Variants in UTP23 observed in about 807,000 individuals in gnomAD.
UTP23 encodes UTP23 small subunit processome component.
Under a neutral mutation model 19.8 loss-of-function variants are expected in UTP23, and 10 were observed. That is an observed-to-expected ratio of 0.50 (90% CI 0.31 to 0.86). The LOEUF is 0.86. UTP23 is among the 40% of genes least tolerant of loss of function. The probability of loss-of-function intolerance (pLI) is 0.05; values close to 1 mark genes in which losing one functional copy is unlikely to be tolerated. For synonymous variants in UTP23, 108 were observed against 105.4 expected, an observed-to-expected ratio of 1.02 and a Z score of -0.15; for missense variants, 282 against 293.1, an observed-to-expected ratio of 0.96 and a Z score of 0.28.
chr8:116,767,651 G>A (rs1238320069), intron 1 of UTP23, among the ~76,000 whole-genome samples: 1 of 152,176 alleles, frequency 6.6e-6, no homozygotes, highest in African/African-American at 2.4e-5. Flanking sequence ...TTGTTGTGGA[G>A]ACCTCTTCAC....
At chr8:116,771,358 ATCT>A in intron 2 of UTP23, 95 bp from the exon 3 acceptor site, 1 of 1,055,070 alleles carries the variant, frequency 9.5e-7, no homozygotes, top group Non-Finnish European at 1.3e-6. Context: ...GAAAAATAAA[ATCT>A]GTGATCTCTT....
intron 1 of UTP23, among the ~76,000 whole-genome samples, chr8:116,767,464 C>G (rs560440435): frequency 1.1e-4 from 16 of 152,308 alleles, no homozygotes; most frequent in African/African-American, 1.9e-4. Context: ...TGTTTTCACT[C>G]TAGGTCTGAT....
chr8:116,766,953 C>T (rs1010374563), intron 1 of UTP23, 162 bp downstream of exon 1: 11 of 676,048 alleles, frequency 1.6e-5, no homozygotes, highest in Admixed American at 1.3e-4. Flanking sequence ...CAGGCGAATA[C>T]CTATAATAGA....
At position 116,770,288 on chromosome 8, in the gene UTP23, G is replaced by A. The variant is rs1325618005; in HGVS notation, c.285G>A (p.Lys95=). The change falls in exon 2 of 3, where the codon AAG becomes AAA. Residue 95 remains lysine (K), a synonymous_variant. Transcript: ENST00000309822. ...AAGTTCGAAATTGTCCTCATTTCAA[G>A]AATGCAGTGAGTGGATCAGAATGTC... ...KCQVRNCPHF[K]NAVSGSECLL... 1 of 1,614,006 alleles carries A rather than the reference G, an allele frequency of 6.2e-7. No individual in the cohort carries two copies. The highest frequency in any genetic ancestry group is 1.3e-5 in the African/African-American group (1 of 74,950).
chr8:116,773,032 A>G lies in UTP23; in HGVS notation c.*1190A>G. 1 of 981,128 alleles carries G rather than the reference A, an allele frequency of 1.0e-6. No homozygotes were observed. Among genetic ancestry groups the G allele is most frequent in the Non-Finnish European group, 1.2e-6 (1 of 828,746 alleles). 60.8% of individuals were successfully genotyped at this position (981,128 alleles called of 1,614,324 possible). A position where few individuals can be genotyped will look rare whatever the true frequency, so the allele number is the denominator to read the frequency against. Reference sequence around the variant, plus strand: ...AATGGTTAAATGTGAGACAGTTCACATTTATTCCCATAGAAATGTCATTCT... The same window carrying G: ...AATGGTTAAATGTGAGACAGTTCACGTTTATTCCCATAGAAATGTCATTCT... On this transcript the variant is annotated 3_prime_UTR_variant, in exon 3 of 3. Transcript: ENST00000309822.
chr8:116,766,929 G>C, intron 1 of UTP23, 138 bp downstream of exon 1: 2 of 845,080 alleles, frequency 2.4e-6, no homozygotes, highest in Non-Finnish European at 3.6e-6. Flanking sequence ...GTTAAGTGGA[G>C]AGGTGAAGGT....
chr8:116,767,755 A>G (rs777410877), intron 1 of UTP23, among the ~76,000 whole-genome samples: 2 of 152,262 alleles, frequency 1.3e-5, no homozygotes, highest in African/African-American at 2.4e-5. Flanking sequence ...AGGCTAGGCC[A>G]TGAAGAACTA....
intron 1 of UTP23, among the ~76,000 whole-genome samples, chr8:116,768,486 A>AT (rs1279835158): frequency 2.0e-5 from 3 of 152,210 alleles, no homozygotes; most frequent in Non-Finnish European, 4.4e-5. Flanking sequence ...CAGCTTTTGC[A>AT]GTTATTAACA....
Position 116,774,244 on chromosome 8 carries a change from G to C in UTP23, c.*2402G>C. ...TGCAGTTGTGTATGGGCACGATACTGTATTCTTTACATTTTTATGGCCCTA... is the reference window on the plus strand; with the variant it reads ...TGCAGTTGTGTATGGGCACGATACTCTATTCTTTACATTTTTATGGCCCTA... On this transcript the variant is annotated 3_prime_UTR_variant, in exon 3 of 3. Coordinates refer to ENST00000309822, the MANE Select transcript of UTP23 (RefSeq NM_032334.3). The C allele has an allele frequency of 1.0e-6, 1 of 985,336 alleles. No homozygotes were observed. The highest frequency in any genetic ancestry group is 1.2e-6 in the Non-Finnish European group (1 of 829,914). The allele number at this position is 985,336 out of a possible 1,614,324, so 61.0% of individuals were successfully genotyped here. A position where few individuals can be genotyped will look rare whatever the true frequency, so the allele number is the denominator to read the frequency against.
intron 1 of UTP23, 112 bp downstream of exon 1, chr8:116,766,903 C>G: frequency 9.2e-7 from 1 of 1,084,102 alleles, no homozygotes; most frequent in Non-Finnish European, 1.3e-6. Context: ...AACGCCCCGC[C>G]CACGTGGAGT....
At position 116,773,386 on chromosome 8, in the gene UTP23, T is replaced by C; in HGVS notation, c.*1544T>C. 2 of 976,904 alleles carry C rather than the reference T, an allele frequency of 2.0e-6. No individual in the cohort carries two copies. The highest frequency in any genetic ancestry group is 2.4e-6 in the Non-Finnish European group (2 of 822,102). The allele number at this position is 976,904 out of a possible 1,614,324, so 60.5% of individuals were successfully genotyped here. A position where few individuals can be genotyped will look rare whatever the true frequency, so the allele number is the denominator to read the frequency against. ...AAAATACATTAAATTTAGGTATTAC[T>C]CTTAATCTATTTCTACTTAGTCAGT... is the stretch of plus-strand genomic sequence containing the variant. On this transcript the variant is annotated 3_prime_UTR_variant, in exon 3 of 3. Transcript: ENST00000309822.
intron 1 of UTP23, among the ~76,000 whole-genome samples, chr8:116,767,718 G>C (rs925640229): frequency 2.6e-5 from 4 of 152,186 alleles, no homozygotes; most frequent in African/African-American, 9.7e-5. Context: ...ATATATTTGG[G>C]AGTGAAACTA....
chr8:116,771,993 G>C lies in UTP23; in HGVS notation c.*151G>C. On this transcript the variant is annotated 3_prime_UTR_variant, in exon 3 of 3. Coordinates refer to ENST00000309822, the MANE Select transcript of UTP23 (RefSeq NM_032334.3). Reference sequence around the variant, plus strand: ...TAAAATAAAAACAGTGACCAGTCTAGCCAGCATGGCAAAACCCCATCTCTA... The same window carrying C: ...TAAAATAAAAACAGTGACCAGTCTACCCAGCATGGCAAAACCCCATCTCTA... 1 of 1,353,730 alleles carries C rather than the reference G, an allele frequency of 7.4e-7. No homozygotes were observed. The highest frequency in any genetic ancestry group is 9.4e-7 in the Non-Finnish European group (1 of 1,059,718). The allele number at this position is 1,353,730 out of a possible 1,614,324, so 83.9% of individuals were successfully genotyped here.
At position 116,771,717 on chromosome 8, in the gene UTP23, A is replaced by G. The variant is rs777107016; in HGVS notation, c.625A>G (p.Lys209Glu). The change falls in exon 3 of 3, where the codon AAG (lysine) becomes GAG (glutamate). Residue 209 changes from lysine to glutamate, a missense_variant. Coordinates refer to ENST00000309822, the MANE Select transcript of UTP23 (RefSeq NM_032334.3). The stretch of plus-strand genomic sequence containing the variant: ...TGGTCCCAATCCTCTTAGTTGTTTG[A>G]AGAAAAAGAAAAAGGCACCGGACAC... ...ISGPNPLSCL[K>E]KKKKAPDTQS... 6.8e-6 allele frequency: 11 copies of G among 1,612,880 alleles called. No individual in the cohort carries two copies. In the South Asian group the frequency reaches 1.2e-4, roughly 18 times the overall value.
In UTP23 at chr8:116,772,014, C is replaced by T; in HGVS notation, c.*172C>T. On this transcript the variant is annotated 3_prime_UTR_variant, in exon 3 of 3. Coordinates refer to ENST00000309822, the MANE Select transcript of UTP23 (RefSeq NM_032334.3). ...TCTAGCCAGCATGGCAAAACCCCATCTCTACTAAAATACAAAAATTAGCTG... is the reference window on the plus strand; with the variant it reads ...TCTAGCCAGCATGGCAAAACCCCATTTCTACTAAAATACAAAAATTAGCTG... The T allele has an allele frequency of 7.7e-7, 1 of 1,304,370 alleles. No homozygotes were observed. The highest frequency in any genetic ancestry group is 9.7e-7 in the Non-Finnish European group (1 of 1,029,598). 80.8% of individuals were successfully genotyped at this position (1,304,370 alleles called of 1,614,324 possible). A position where few individuals can be genotyped will look rare whatever the true frequency, so the allele number is the denominator to read the frequency against.
At position 116,772,624 on chromosome 8, in the gene UTP23, G is replaced by A; in HGVS notation, c.*782G>A. The A allele has an allele frequency of 1.0e-6, 1 of 984,872 alleles. No individual in the cohort carries two copies. Among genetic ancestry groups the A allele is most frequent in the Non-Finnish European group, 1.2e-6 (1 of 829,542 alleles). The allele number at this position is 984,872 out of a possible 1,614,324, so 61.0% of individuals were successfully genotyped here. ...CTAGAGTTTTTTTGTTTGTTTGTTT[G>A]AGTTCTACTTGTCCAATAAGGATGA... On this transcript the variant is annotated 3_prime_UTR_variant, in exon 3 of 3. Transcript: ENST00000309822.
rs1226992065 is a variant in UTP23, at chr8:116,766,675, G to A, written c.72G>A (p.Glu24=). 1 of 1,613,814 alleles carries A rather than the reference G, an allele frequency of 6.2e-7. No individual in the cohort carries two copies. The highest frequency in any genetic ancestry group is 1.7e-5 in the Admixed American group (1 of 59,964). Residue 24 remains glutamate, a synonymous_variant, in exon 1 of 3, where the codon GAG becomes GAA. Coordinates refer to ENST00000309822, the MANE Select transcript of UTP23 (RefSeq NM_032334.3). ...GFFRNNFGVR[E]PYQILLDGTF... is the part of the protein sequence containing the mutation. ...TCCGCAACAACTTCGGAGTCCGCGA[G>A]CCGTACCAGATCCTGCTGGACGGCA...
Position 116,771,741 on chromosome 8 carries a change from A to G in UTP23, c.649A>G (p.Thr217Ala). The change falls in exon 3 of 3, where the codon ACA (threonine) becomes GCA (alanine). Residue 217 changes from threonine (T) to alanine (A), a missense_variant. Transcript: ENST00000309822. Reference protein sequence around the residue: ...CLKKKKKAPDTQSSASEKKRK... With the variant: ...CLKKKKKAPDAQSSASEKKRK... ...GAAGAAAAAGAAAAAGGCACCGGAC[A>G]CACAATCATCTGCTTCTGAAAAGAA... is the stretch of plus-strand genomic sequence containing the variant. The G allele has an allele frequency of 1.9e-6, 3 of 1,611,634 alleles. No homozygotes were observed. Among genetic ancestry groups the G allele is most frequent in the East Asian group, 2.2e-5 (1 of 44,864 alleles).
At position 116,774,581 on chromosome 8, in the gene UTP23, T is replaced by C. The variant is rs1815699871; in HGVS notation, c.*2739T>C. On this transcript the variant is annotated 3_prime_UTR_variant, in exon 3 of 3. Coordinates refer to ENST00000309822, the MANE Select transcript of UTP23 (RefSeq NM_032334.3). ...CACATATGTATATATACATAGTCTA[T>C]ATATTCTATATAAGAATATATTCCA... 1 of 637,594 alleles carries C rather than the reference T, an allele frequency of 1.6e-6. No individual in the cohort carries two copies. The highest frequency in any genetic ancestry group is 2.0e-5 in the African/African-American group (1 of 50,426). 39.5% of individuals were successfully genotyped at this position (637,594 alleles called of 1,614,324 possible).
Sources: allele counts gnomAD v4.1 joint callset (sites outside exome capture counted in the v4.1 genomes callset), GRCh38; gene constraint gnomAD v4.1.1; transcripts MANE v1.5; gene names NCBI Gene and HGNC (gene_info 2026-07-23, HGNC 2026-07-21).